Variants in SHC3 observed in about 807,000 individuals in gnomAD.
The protein encoded by SHC3 is SHC adaptor protein 3.
Under a neutral mutation model 60.4 loss-of-function variants are expected in SHC3, and 15 were observed. That is an observed-to-expected ratio of 0.25 (90% CI 0.17 to 0.38). The LOEUF (loss-of-function observed/expected upper bound fraction) is 0.38, where lower values mean the gene tolerates loss of function less well. Among genes scored for constraint, SHC3 ranks in the 10% least tolerant of loss-of-function variants. The probability of loss-of-function intolerance (pLI) is 1.00; values close to 1 mark genes in which losing one functional copy is unlikely to be tolerated. For synonymous variants in SHC3, 294 were observed against 325.9 expected (o/e 0.90, Z 1.05); for missense variants, 677 against 786.1 (o/e 0.86, Z 1.66).
At chr9:89,048,021 A>G (rs7041430) in intron 7 of SHC3, among the ~76,000 whole-genome samples, 123,445 of 151,964 alleles carry the variant, frequency 0.81, 50,192 homozygotes, top group East Asian at 0.92. Flanking sequence ...CAAGGCGGGC[A>G]GATCATGAGG....
intron 2 of SHC3, among the ~76,000 whole-genome samples, chr9:89,082,847 C>T (rs1027182599): frequency 6.6e-6 from 1 of 152,192 alleles, no homozygotes; most frequent in African/African-American, 2.4e-5. Flanking sequence ...CAGCAGCAGG[C>T]GGCTCACCCA....
chr9:89,163,949 T>C (rs910707059), intron 1 of SHC3, among the ~76,000 whole-genome samples: 1 of 152,048 alleles, frequency 6.6e-6, no homozygotes, highest in African/African-American at 2.4e-5. Flanking sequence ...CTCTGGGACC[T>C]CTTTTATAAG....
rs536885948 is a variant in SHC3, at chr9:89,039,053, T to C, written c.1361-765A>G. Among the ~76,000 whole-genome samples the C allele has an allele frequency of 4.6e-5, 7 of 152,358 alleles. No individual in the cohort carries two copies. The East Asian group carries it at 1.4e-3, about 29-fold the overall frequency. ...GGCATGTCTAACTAAATCCCGATGT[T>C]CGATTTTCACATAAGGTAGTGTGTA... On this transcript the variant is annotated intron_variant, in intron 10 of 11. Transcript: ENST00000375835.
intron 6 of SHC3, among the ~76,000 whole-genome samples, chr9:89,056,859 C>T (rs13295724): frequency 0.052 from 7,934 of 152,352 alleles, 306 homozygotes; most frequent in Non-Finnish European, 0.078. Context: ...GTGTGAACAG[C>T]GAGACCCTGC....
In SHC3 at chr9:89,036,059, AG is replaced by A. The variant is rs1177659129; in HGVS notation, c.1656+1933del. Among the ~76,000 whole-genome samples, 6 of 152,186 alleles carry A rather than the reference AG, an allele frequency of 3.9e-5. No homozygotes were observed. In the East Asian group the frequency reaches 1.2e-3, roughly 29 times the overall value. ...TAAAAGTCAAAACCATCAAGCACAA[AG>A]GGGGAAACCTGATGGATTCGGATGC... is the stretch of plus-strand genomic sequence containing the variant. On this transcript the variant is annotated intron_variant, in intron 11 of 11. Transcript: ENST00000375835.
At chr9:89,106,007 C>T (rs760101762) in intron 2 of SHC3, among the ~76,000 whole-genome samples, 1 of 152,158 alleles carries the variant, frequency 6.6e-6, no homozygotes, top group Non-Finnish European at 1.5e-5. Context: ...TATTGAACAT[C>T]CACTATGTGC....
At chr9:89,080,159 C>T (rs1030523968) in intron 2 of SHC3, among the ~76,000 whole-genome samples, 10 of 152,136 alleles carry the variant, frequency 6.6e-5, no homozygotes, top group African/African-American at 2.4e-4. Flanking sequence ...AGTACTGTTT[C>T]CATTTGTTCG....
At chr9:89,026,254 C>CAAAAAAAAAAAAAAAAAACA (rs1826298024) in intron 11 of SHC3, among the ~76,000 whole-genome samples, 1 of 102,154 alleles carries the variant, frequency 9.8e-6, no homozygotes, top group Non-Finnish European at 1.9e-5. Flanking sequence ...AACTACATCT[C>CAAAAAAAAAAAAAAAAAACA]AAAAAAAAAA....
chr9:89,055,109 G>A (rs949702063), intron 6 of SHC3, among the ~76,000 whole-genome samples: 5 of 152,248 alleles, frequency 3.3e-5, no homozygotes. Context: ...GGGATGTGGT[G>A]GCTTTCAGCC....
Position 89,138,554 on chromosome 9 carries a change from G to A in SHC3, c.475-25928C>T, listed in dbSNP as rs188953239. 2.6e-3 allele frequency among the ~76,000 whole-genome samples: 393 copies of A among 152,278 alleles called. 3 individuals carry two copies. Among genetic ancestry groups the A allele is most frequent in the Non-Finnish European group, 3.7e-3 (252 of 68,008 alleles). ...TTCTTGACTGCAATCTGTTTTATCAGCAAGGTCTTTATGACCTGTGTCTTG... is the reference window on the plus strand; with the variant it reads ...TTCTTGACTGCAATCTGTTTTATCAACAAGGTCTTTATGACCTGTGTCTTG... On this transcript the variant is annotated intron_variant, in intron 1 of 11. Coordinates refer to ENST00000375835, the MANE Select transcript of SHC3 (RefSeq NM_016848.6).
chr9:89,059,972 G>T (rs913903848), intron 6 of SHC3, among the ~76,000 whole-genome samples: 2 of 147,898 alleles, frequency 1.4e-5, no homozygotes, highest in African/African-American at 5.0e-5. Flanking sequence ...GAGGACGATG[G>T]TGGAGGATTT....
chr9:89,087,384 AAATCAGAACG>A (rs992198357), intron 2 of SHC3, among the ~76,000 whole-genome samples: 1 of 152,182 alleles, frequency 6.6e-6, no homozygotes, highest in African/African-American at 2.4e-5. Flanking sequence ...TAACCACAGC[AAATCAGAACG>A]AATCAGAACT....
Position 89,009,547 on chromosome 9 carries a change from A to G in SHC3, c.*3900T>C, listed in dbSNP as rs1825987904. The stretch of plus-strand genomic sequence containing the variant: ...GCTTATATGTTTCATATATTTGTCA[A>G]TCCCCAGCACGCCCTCAAGCTGGGA... On this transcript the variant is annotated 3_prime_UTR_variant, in exon 12 of 12. Transcript: ENST00000375835. The G allele has an allele frequency of 6.6e-6, 1 of 152,190 alleles. No individual in the cohort carries two copies. The highest frequency in any genetic ancestry group is 6.5e-5 in the Admixed American group (1 of 15,270). The allele number at this position is 152,190 out of a possible 1,614,324, so 9.4% of individuals were successfully genotyped here.
chr9:89,129,426 G>A (rs565095538), intron 1 of SHC3, among the ~76,000 whole-genome samples: 12 of 152,198 alleles, frequency 7.9e-5, no homozygotes, highest in Admixed American at 3.9e-4. Flanking sequence ...GATACTCCTC[G>A]AGAAGAGCAA....
At chr9:89,076,546 CA>C (rs1825361229) in intron 3 of SHC3, among the ~76,000 whole-genome samples, 1 of 152,058 alleles carries the variant, frequency 6.6e-6, no homozygotes, top group African/African-American at 2.4e-5. Context: ...AAGAGGTTTT[CA>C]TGGTTTCTCC....
intron 11 of SHC3, among the ~76,000 whole-genome samples, chr9:89,023,856 GC>G: frequency 6.6e-6 from 1 of 152,274 alleles, no homozygotes; most frequent in East Asian, 1.9e-4. Flanking sequence ...AGGGTCTGTT[GC>G]CTAGACCTGT....
intron 11 of SHC3, among the ~76,000 whole-genome samples, chr9:89,022,979 A>C (rs1365280981): frequency 6.6e-6 from 1 of 152,240 alleles, no homozygotes; most frequent in Non-Finnish European, 1.5e-5. Context: ...TAAATCAAGA[A>C]GACAAGAACT....
chr9:89,056,555 C>G (rs1422102744), intron 6 of SHC3, among the ~76,000 whole-genome samples: 1 of 152,204 alleles, frequency 6.6e-6, no homozygotes, highest in Non-Finnish European at 1.5e-5. Context: ...TTTGAGCTGC[C>G]ATGATGGGTG....
chr9:89,112,584 C>A lies in SHC3; in HGVS notation c.517G>T (p.Asp173Tyr). Residue 173 changes from aspartate to tyrosine, a missense_variant, in exon 2 of 12, where the codon GAC becomes TAC. Coordinates refer to ENST00000375835, the MANE Select transcript of SHC3 (RefSeq NM_016848.6). ...IEVLRSMRSL[D>Y]FSTRTQITRE... is the part of the protein sequence containing the mutation. ...GTAATTTGTGTTCTTGTACTGAAGT[C>A]AAGAGACCTCATTGAGCGCAGAACT... The A allele has an allele frequency of 6.3e-7, 1 of 1,598,400 alleles. No homozygotes were observed. The highest frequency in any genetic ancestry group is 8.5e-7 in the Non-Finnish European group (1 of 1,173,840).
Sources: gnomAD v4.1 joint callset for allele counts (sites outside exome capture counted in the v4.1 genomes callset) on GRCh38, gnomAD v4.1.1 for gene constraint, MANE v1.5 for transcripts, NCBI Gene and HGNC (gene_info 2026-07-23, HGNC 2026-07-21) for gene names.